SPAST: variants seen among roughly 807,000 people sequenced by gnomAD.
SPAST encodes spastin, also known as spastic paraplegia 4 (autosomal dominant; spastin).
SPAST carries 30 observed loss-of-function variants against 76.6 expected under a neutral mutation model. That is an observed-to-expected ratio of 0.39 (90% CI 0.29 to 0.53). The LOEUF (loss-of-function observed/expected upper bound fraction) is 0.53. Ranked by LOEUF, SPAST falls within the 20% of genes least tolerant of loss-of-function variation. The pLI, the probability that SPAST is intolerant of heterozygous loss-of-function variation, is 0.68. For synonymous variants in SPAST, 305 were observed against 281.0 expected, an observed-to-expected ratio of 1.09 and a Z score of -0.86; for missense variants, 717 against 770.5, an observed-to-expected ratio of 0.93 and a Z score of 0.82.
intron 3 of SPAST, among the ~76,000 whole-genome samples, chr2:32,095,244 G>T (rs1007749782): frequency 5.9e-5 from 9 of 152,158 alleles, no homozygotes; most frequent in Non-Finnish European, 1.3e-4. Context: ...TCTCTTTATG[G>T]ATCTCATAAT....
At chr2:32,097,788 G>A (rs374999483) in intron 3 of SPAST, among the ~76,000 whole-genome samples, 6 of 148,280 alleles carry the variant, frequency 4.0e-5, no homozygotes, top group Non-Finnish European at 7.4e-5. Context: ...CCACCTCCCC[G>A]GTTTAAGCCA....
chr2:32,074,075 A>G (rs1676856545), intron 1 of SPAST, among the ~76,000 whole-genome samples: 1 of 152,190 alleles, frequency 6.6e-6, no homozygotes, highest in African/African-American at 2.4e-5. Context: ...ATGTCATAGT[A>G]AAGGGTGTTA....
At chr2:32,123,601 G>A (rs1679094740) in intron 7 of SPAST, among the ~76,000 whole-genome samples, 1 of 152,182 alleles carries the variant, frequency 6.6e-6, no homozygotes, top group African/African-American at 2.4e-5. Context: ...TCAGAGGACT[G>A]AAACTACCCA....
At chr2:32,150,158 C>T (rs184083146) in intron 16 of SPAST, among the ~76,000 whole-genome samples, 88 of 149,512 alleles carry the variant, frequency 5.9e-4, no homozygotes, top group Non-Finnish European at 7.0e-4. Flanking sequence ...CTGCAACCTC[C>T]GCCTACTGGG....
chr2:32,109,172 G>A (rs967553207), intron 4 of SPAST, among the ~76,000 whole-genome samples: 2 of 151,938 alleles, frequency 1.3e-5, no homozygotes, highest in Admixed American at 6.6e-5. Flanking sequence ...GCAGTGGCAC[G>A]ATTTCAGCTC....
chr2:32,106,428 G>A (rs996122437), intron 4 of SPAST, among the ~76,000 whole-genome samples: 9 of 152,160 alleles, frequency 5.9e-5, no homozygotes, highest in African/African-American at 1.7e-4. Context: ...GCAATACCCC[G>A]CCCTTCAGCT....
intron 1 of SPAST, among the ~76,000 whole-genome samples, chr2:32,083,759 TA>T (rs1677348932): frequency 7.7e-5 from 7 of 91,150 alleles, no homozygotes; most frequent in South Asian, 4.1e-4. Flanking sequence ...ACTATATATA[TA>T]TATATATATA....
At chr2:32,066,934 A>C (rs918716171) in intron 1 of SPAST, among the ~76,000 whole-genome samples, 2 of 132,050 alleles carry the variant, frequency 1.5e-5, no homozygotes, top group African/African-American at 5.8e-5. Context: ...AGATCGTGCA[A>C]CTGCACTCCG....
chr2:32,123,684 A>C (rs555766507), intron 7 of SPAST, among the ~76,000 whole-genome samples: 1 of 152,380 alleles, frequency 6.6e-6, no homozygotes, highest in Admixed American at 6.5e-5. Context: ...CAAATAAATC[A>C]GTAGAATTGG....
intron 9 of SPAST, among the ~76,000 whole-genome samples, chr2:32,132,640 A>G (rs767856071): frequency 5.9e-5 from 9 of 151,674 alleles, no homozygotes; most frequent in Non-Finnish European, 1.2e-4. Context: ...CTATGGTCTC[A>G]TGCCAGTTTG....
intron 9 of SPAST, chr2:32,128,738 C>T (rs896095388): frequency 2.2e-5 from 10 of 462,740 alleles, no homozygotes; most frequent in Non-Finnish European, 3.9e-5. Context: ...TTTATTGTCT[C>T]ACAGTTGTGG....
intron 1 of SPAST, among the ~76,000 whole-genome samples, chr2:32,085,821 A>C (rs1292259175): frequency 6.6e-6 from 1 of 151,938 alleles, no homozygotes; most frequent in Non-Finnish European, 1.5e-5. Flanking sequence ...TGGGAGGATC[A>C]CAACAAGGTC....
chr2:32,076,054 C>G (rs1676952696), intron 1 of SPAST, among the ~76,000 whole-genome samples: 1 of 151,670 alleles, frequency 6.6e-6, no homozygotes, highest in Non-Finnish European at 1.5e-5. Context: ...GTACGCGCCA[C>G]CACGCCTGGC....
rs918749773 is a variant in SPAST at position 32,091,842 on chromosome 2, AAAAT to A, written c.586+2241_586+2244del. Reference sequence around the variant, plus strand: ...GAGCGAGACTCTGTCTCAAAAAAATAAAATAAAATAAATAGATAAATAATAATAA... The same window carrying A: ...GAGCGAGACTCTGTCTCAAAAAAATAAAAATAAATAGATAAATAATAATAA... On this transcript the variant is annotated intron_variant, in intron 3 of 16. Transcript: ENST00000315285. 6.0e-3 allele frequency among the ~76,000 whole-genome samples: 902 copies of A among 151,146 alleles called. 11 individuals carry two copies. Among genetic ancestry groups the A allele is most frequent in the African/African-American group, 0.02 (845 of 41,432 alleles).
intron 7 of SPAST, among the ~76,000 whole-genome samples, chr2:32,124,141 C>T (rs1475958538): frequency 2.6e-5 from 4 of 152,014 alleles, no homozygotes; most frequent in Non-Finnish European, 4.4e-5. Flanking sequence ...GACCAGTATC[C>T]AAAATATACA....
chr2:32,104,548 G>A (rs1025951731), intron 4 of SPAST, among the ~76,000 whole-genome samples: 7 of 152,116 alleles, frequency 4.6e-5, no homozygotes, highest in Admixed American at 1.3e-4. Context: ...TCCTAGCCTC[G>A]ATGGTCTTTA....
At chr2:32,064,282 G>T in intron 1 of SPAST, 36 bp downstream of exon 1, 1 of 1,443,856 alleles carries the variant, frequency 6.9e-7, no homozygotes, top group South Asian at 1.2e-5. Flanking sequence ...CGGCGGCGCC[G>T]GGAAGAAGGC....
intron 3 of SPAST, among the ~76,000 whole-genome samples, chr2:32,094,365 G>T (rs1338726517): frequency 6.6e-6 from 1 of 151,968 alleles, no homozygotes; most frequent in Non-Finnish European, 1.5e-5. Context: ...ATTACAGGTG[G>T]CCCTAGTTTG....
At chr2:32,078,756 A>G (rs912862052) in intron 1 of SPAST, among the ~76,000 whole-genome samples, 8 of 152,346 alleles carry the variant, frequency 5.3e-5, no homozygotes, top group African/African-American at 1.7e-4. Context: ...TTGTACTTAC[A>G]TAAACATAAA....
Sources: allele counts gnomAD v4.1 joint callset (sites outside exome capture counted in the v4.1 genomes callset), GRCh38; gene constraint gnomAD v4.1.1; transcripts MANE v1.5; gene names NCBI Gene and HGNC (gene_info 2026-07-23, HGNC 2026-07-21).